Variants in DST observed in about 807,000 individuals in gnomAD.
DST encodes the protein bullous pemphigoid antigen.
In DST, 253 loss-of-function variants were observed where a neutral mutation model predicts 875.2. That is an observed-to-expected ratio of 0.29 (90% confidence interval 0.26 to 0.32). DST has a LOEUF of 0.32. Ranked by LOEUF, DST falls within the 10% of genes least tolerant of loss-of-function variation. The pLI is 1.00. For missense variants in DST, 8,287 were observed against 9,111.6 expected (o/e 0.91, Z 3.68); for synonymous variants, 3,124 against 3,197.1 (o/e 0.98, Z 0.77).
chr6:56,579,413 C>T (rs1440784649), intron 49 of DST, among the ~76,000 whole-genome samples: 2 of 152,120 alleles, frequency 1.3e-5, no homozygotes, highest in African/African-American at 4.8e-5. Flanking sequence ...AGTTACTGAA[C>T]ATCTAACAAA....
chr6:56,598,189 CCT>C (rs887671014), intron 46 of DST, among the ~76,000 whole-genome samples, 183 bp from the exon 47 acceptor site: 2 of 152,124 alleles, frequency 1.3e-5, no homozygotes, highest in Non-Finnish European at 2.9e-5. Flanking sequence ...TGAAGTTTCC[CCT>C]GTTCTTAAAA....
At chr6:56,489,301 T>C (rs192787534) in intron 86 of DST, among the ~76,000 whole-genome samples, 189 bp downstream of exon 86, 1 of 152,334 alleles carries the variant, frequency 6.6e-6, no homozygotes, top group Non-Finnish European at 1.5e-5. Flanking sequence ...ATTAGTGAAA[T>C]GGTCACTGAA....
chr6:56,612,092 G>A (rs1033861394), intron 37 of DST, among the ~76,000 whole-genome samples: 6 of 152,248 alleles, frequency 3.9e-5, no homozygotes, highest in Admixed American at 3.3e-4. Context: ...ATTTCTAGCT[G>A]AGAGCAGTGG....
chr6:56,870,947 CA>C (rs1285773104), intron 3 of DST, among the ~76,000 whole-genome samples: 2 of 151,592 alleles, frequency 1.3e-5, no homozygotes, highest in Non-Finnish European at 2.9e-5. Flanking sequence ...AAATACCAAG[CA>C]ATGAAAATAT....
At chr6:56,534,567 G>A (rs757345346) in intron 63 of DST, among the ~76,000 whole-genome samples, 1 of 152,098 alleles carries the variant, frequency 6.6e-6, no homozygotes, top group Non-Finnish European at 1.5e-5. Flanking sequence ...GTAATAGGTG[G>A]AACCAAAAGA....
chr6:56,718,000 A>G (rs2152904489), intron 5 of DST, among the ~76,000 whole-genome samples: 1 of 152,292 alleles, frequency 6.6e-6, no homozygotes, highest in Admixed American at 6.5e-5. Flanking sequence ...AGTTGGTTAC[A>G]CTCAGGAGGC....
chr6:56,833,913 AT>A (rs1240481903), intron 4 of DST, among the ~76,000 whole-genome samples: 1 of 151,980 alleles, frequency 6.6e-6, no homozygotes, highest in Non-Finnish European at 1.5e-5. Flanking sequence ...AAACTCAACA[AT>A]AAAAAAAAAA....
rs2097145278 is a variant in DST, at chr6:56,542,445, A to G, written c.16609-5505T>C. 1.3e-5 allele frequency: 2 copies of G among 150,570 alleles called. 1 individual carries two copies. Among genetic ancestry groups the G allele is most frequent in the East Asian group, 3.9e-4 (2 of 5,186 alleles). 9.3% of individuals were successfully genotyped at this position (150,570 alleles called of 1,614,324 possible). ...AGCTTCTTTAAAAAAAAAAAAAAAA[A>G]AAAAAAAAAAGCCATTTCCAAAGAT... On this transcript the variant is annotated intron_variant, in intron 61 of 103. Coordinates refer to ENST00000680361, the MANE Select transcript of DST (RefSeq NM_001374736.1).
intron 102 of DST, among the ~76,000 whole-genome samples, chr6:56,462,450 G>A (rs2094382300): frequency 6.6e-6 from 1 of 152,048 alleles, no homozygotes; most frequent in South Asian, 2.1e-4. Flanking sequence ...TGTTGAAAAT[G>A]ACAAATAACT....
chr6:56,683,283 C>T (rs1013000114), intron 9 of DST, among the ~76,000 whole-genome samples: 13 of 152,144 alleles, frequency 8.5e-5, no homozygotes, highest in South Asian at 2.1e-4. Flanking sequence ...TGATACACCT[C>T]GAATAATATT....
chr6:56,888,342 C>T (rs1449210279), intron 3 of DST, among the ~76,000 whole-genome samples: 1 of 152,070 alleles, frequency 6.6e-6, no homozygotes, highest in Non-Finnish European at 1.5e-5. Flanking sequence ...GAATGGGTGT[C>T]ATTCAAAAAA....
Position 56,693,226 on chromosome 6 carries a change from G to A in DST, c.1047+6427C>T, listed in dbSNP as rs200929908. ...AGCTTACTTAGATCCTCTCCATTAA[G>A]TCTGAAAATTCCACTCTGACATCTG... On this transcript the variant is annotated intron_variant, in intron 9 of 103. Coordinates refer to ENST00000680361, the MANE Select transcript of DST (RefSeq NM_001374736.1). The A allele has an allele frequency of 1.5e-5, 18 of 1,205,660 alleles. No homozygotes were observed. In the East Asian group the frequency reaches 1.0e-3, roughly 69 times the overall value. 74.7% of individuals were successfully genotyped at this position (1,205,660 alleles called of 1,614,324 possible). A position where few individuals can be genotyped will look rare whatever the true frequency, so the allele number is the denominator to read the frequency against.
intron 4 of DST, among the ~76,000 whole-genome samples, chr6:56,842,163 T>C (rs1438835288): frequency 2.0e-5 from 3 of 152,150 alleles, no homozygotes; most frequent in African/African-American, 4.8e-5. Flanking sequence ...ATTACTGACA[T>C]TGAGTTACCA....
At chr6:56,778,973 T>C (rs1451726872) in intron 4 of DST, among the ~76,000 whole-genome samples, 1 of 152,068 alleles carries the variant, frequency 6.6e-6, no homozygotes, top group African/African-American at 2.4e-5. Flanking sequence ...ACTTCCACAA[T>C]GGTTGAATGA....
rs2099767252 is a variant in DST, at chr6:56,816,933, A to AT, written c.625+34463_625+34464insA. Reference sequence around the variant, plus strand: ...AAAATTCTCTCCTGAAGATCTTTATAGTCTCTGCTAGATTATAATTTCACA... The same window carrying AT: ...AAAATTCTCTCCTGAAGATCTTTATATGTCTCTGCTAGATTATAATTTCACA... On this transcript the variant is annotated intron_variant, in intron 4 of 103. Transcript: ENST00000680361. Among the ~76,000 whole-genome samples, 6 of 151,830 alleles carry AT rather than the reference A, an allele frequency of 4.0e-5. 1 individual carries two copies. The highest frequency in any genetic ancestry group is 3.3e-4 in the Admixed American group (5 of 15,202).
chr6:56,628,727 T>C (rs2098753962), intron 32 of DST, among the ~76,000 whole-genome samples: 1 of 152,230 alleles, frequency 6.6e-6, no homozygotes, highest in Non-Finnish European at 1.5e-5. Context: ...TGCATTAATA[T>C]AAGCACGAAA....
intron 36 of DST, chr6:56,616,579 A>G: frequency 6.2e-7 from 1 of 1,614,180 alleles, no homozygotes; most frequent in Non-Finnish European, 8.5e-7. Flanking sequence ...CTTGCTTGTT[A>G]TTGGGATTAG....
chr6:56,910,425 G>C lies in DST; in HGVS notation c.217-9804C>G, dbSNP rs1034749228. On this transcript the variant is annotated intron_variant, in intron 2 of 103. Transcript: ENST00000680361. Reference sequence around the variant, plus strand: ...TCCCACCTGAGCCTCCCAAAGTGCTGGGATTATAGGCATGAGCCACTGTGC... The same window carrying C: ...TCCCACCTGAGCCTCCCAAAGTGCTCGGATTATAGGCATGAGCCACTGTGC... Among the ~76,000 whole-genome samples the C allele has an allele frequency of 5.3e-5, 8 of 152,278 alleles. No individual in the cohort carries two copies. The East Asian group carries it at 1.5e-3, about 29-fold the overall frequency.
chr6:56,793,350 A>G (rs2099734629), intron 4 of DST, among the ~76,000 whole-genome samples: 1 of 152,230 alleles, frequency 6.6e-6, no homozygotes, highest in Admixed American at 6.5e-5. Flanking sequence ...GTCTAAACTT[A>G]AATTTTAATG....
Sources: allele counts gnomAD v4.1 joint callset (sites outside exome capture counted in the v4.1 genomes callset), GRCh38; gene constraint gnomAD v4.1.1; transcripts MANE v1.5; gene names NCBI Gene and HGNC (gene_info 2026-07-23, HGNC 2026-07-21).